Variants in CAMKMT observed in about 807,000 individuals in gnomAD.
CAMKMT encodes the protein calmodulin-lysine N-methyltransferase.
In CAMKMT, 53 loss-of-function variants were observed where a neutral mutation model predicts 48.0. That is an observed-to-expected ratio of 1.10 (90% CI 0.89 to 1.39). The LOEUF (loss-of-function observed/expected upper bound fraction) is 1.39, where lower values mean the gene tolerates loss of function less well. Among genes scored for constraint, CAMKMT ranks in the 40% most tolerant of loss-of-function variants. The probability of loss-of-function intolerance (pLI) is 0.00; values close to 1 mark genes in which losing one functional copy is unlikely to be tolerated. For synonymous variants in CAMKMT, 165 were observed against 152.3 expected (o/e 1.08, Z -0.61); for missense variants, 428 against 402.7 (o/e 1.06, Z -0.54).
intron 3 of CAMKMT, among the ~76,000 whole-genome samples, chr2:44,638,805 T>C (rs1236545166): frequency 6.6e-6 from 1 of 152,184 alleles, no homozygotes; most frequent in Non-Finnish European, 1.5e-5. Flanking sequence ...CCTCTGACAT[T>C]CCCTGACCTT....
chr2:44,542,629 T>C (rs1667194594), intron 3 of CAMKMT, among the ~76,000 whole-genome samples: 2 of 152,050 alleles, frequency 1.3e-5, no homozygotes, highest in Admixed American at 1.3e-4. Flanking sequence ...AGGCATTATA[T>C]AGAAAGATCT....
intron 3 of CAMKMT, among the ~76,000 whole-genome samples, chr2:44,489,322 T>C (rs950636500): frequency 2.7e-5 from 4 of 149,762 alleles, no homozygotes; most frequent in Middle Eastern, 3.5e-3. Flanking sequence ...CTTGGCTCAC[T>C]GCAATCTCTG....
Position 44,772,242 on chromosome 2 carries a change from A to C in CAMKMT, c.*129A>C. On this transcript the variant is annotated 3_prime_UTR_variant, in exon 11 of 11. Coordinates refer to ENST00000378494, the MANE Select transcript of CAMKMT (RefSeq NM_024766.5). Reference sequence around the variant, plus strand: ...GCAGCATTTCACGTGTGGGCTATGGACTCCACCTGTCCTCACCCACGTTAT... The same window carrying C: ...GCAGCATTTCACGTGTGGGCTATGGCCTCCACCTGTCCTCACCCACGTTAT... 1 of 691,988 alleles carries C rather than the reference A, an allele frequency of 1.4e-6. No individual in the cohort carries two copies. Among genetic ancestry groups the C allele is most frequent in the South Asian group, 1.8e-5 (1 of 54,486 alleles). The allele number at this position is 691,988 out of a possible 1,614,324, so 42.9% of individuals were successfully genotyped here. A position where few individuals can be genotyped will look rare whatever the true frequency, so the allele number is the denominator to read the frequency against.
intron 3 of CAMKMT, among the ~76,000 whole-genome samples, chr2:44,399,389 G>A (rs1378605256): frequency 1.3e-5 from 2 of 152,140 alleles, no homozygotes; most frequent in African/African-American, 2.4e-5. Context: ...GAAATGATAT[G>A]TGTGGGATGA....
chr2:44,410,739 T>C (rs528807236), intron 3 of CAMKMT, among the ~76,000 whole-genome samples: 8 of 152,180 alleles, frequency 5.3e-5, no homozygotes, highest in Admixed American at 1.3e-4. Flanking sequence ...AAGTGAAGGA[T>C]TGCTGAAGCA....
intron 3 of CAMKMT, among the ~76,000 whole-genome samples, chr2:44,411,730 T>A (rs1471698062): frequency 1.3e-5 from 2 of 148,720 alleles, no homozygotes; most frequent in Non-Finnish European, 2.9e-5. Context: ...CTCAAGTATT[T>A]TTGTAAAATT....
At chr2:44,419,528 G>C (rs78228884) in intron 3 of CAMKMT, among the ~76,000 whole-genome samples, 4,636 of 152,240 alleles carry the variant, frequency 0.03, 211 homozygotes, top group African/African-American at 0.1. Context: ...CAAGGAAATA[G>C]ATTCTCCTCT....
At chr2:44,366,113 C>A (rs1678562248) in intron 1 of CAMKMT, among the ~76,000 whole-genome samples, 1 of 152,222 alleles carries the variant, frequency 6.6e-6, no homozygotes, top group South Asian at 2.1e-4. Context: ...CTCAAACATT[C>A]AACTTGGCTT....
chr2:44,457,922 G>T (rs1399156924), intron 3 of CAMKMT, among the ~76,000 whole-genome samples: 1 of 151,928 alleles, frequency 6.6e-6, no homozygotes. Context: ...TGAACCCTCA[G>T]ATTCTCTTGG....
At chr2:44,463,015 T>A (rs1667927017) in intron 3 of CAMKMT, among the ~76,000 whole-genome samples, 1 of 152,246 alleles carries the variant, frequency 6.6e-6, no homozygotes, top group African/African-American at 2.4e-5. Flanking sequence ...ATTTACTTAT[T>A]TATTCAAAGC....
intron 3 of CAMKMT, among the ~76,000 whole-genome samples, chr2:44,406,800 T>C (rs1431186569): frequency 6.6e-6 from 1 of 152,184 alleles, no homozygotes; most frequent in Non-Finnish European, 1.5e-5. Context: ...GGTTTCTCCA[T>C]GTTGCCCAGC....
chr2:44,707,374 T>C, intron 5 of CAMKMT, 25 bp from the exon 6 acceptor site: 1 of 1,610,122 alleles, frequency 6.2e-7, no homozygotes, highest in Admixed American at 1.7e-5. Context: ...GCTCATTGTT[T>C]GCTGTGCTCC....
chr2:44,743,351 A>G (rs1435907341), intron 7 of CAMKMT, among the ~76,000 whole-genome samples: 19 of 152,200 alleles, frequency 1.2e-4, no homozygotes, highest in Admixed American at 1.2e-3. Flanking sequence ...CGGTAAAGAT[A>G]AGATATTTTT....
rs1176467214 is a variant in CAMKMT, at chr2:44,556,450, C to CTT, written c.377-147804_377-147803dup. On this transcript the variant is annotated intron_variant, in intron 3 of 10. Transcript: ENST00000378494. ...CACCGTGTCCAGCCAATTTTTCTTT[C>CTT]TTTTTTTTTTTTTTTTTTTTTTTTT... Among the ~76,000 whole-genome samples, 46 of 50,278 alleles carry CTT rather than the reference C, an allele frequency of 9.1e-4. 5 individuals carry two copies. Among genetic ancestry groups the CTT allele is most frequent in the East Asian group, 5.6e-3 (10 of 1,788 alleles). 33.0% of individuals were successfully genotyped at this position (50,278 alleles called of 152,430 possible).
intron 3 of CAMKMT, among the ~76,000 whole-genome samples, chr2:44,497,336 C>T (rs1669796615): frequency 1.3e-5 from 2 of 151,812 alleles, no homozygotes; most frequent in Non-Finnish European, 2.9e-5. Flanking sequence ...GAACATTGTT[C>T]TTTTACTAGC....
chr2:44,625,632 T>A (rs1281875765), intron 3 of CAMKMT, among the ~76,000 whole-genome samples: 7 of 152,198 alleles, frequency 4.6e-5, no homozygotes, highest in African/African-American at 1.2e-4. Flanking sequence ...TTTGGATATT[T>A]TAAAGCTTTA....
chr2:44,554,486 G>C (rs953166443), intron 3 of CAMKMT, among the ~76,000 whole-genome samples: 1 of 152,066 alleles, frequency 6.6e-6, no homozygotes, highest in African/African-American at 2.4e-5. Context: ...CTGTAATCCT[G>C]ACAGTTCAGG....
intron 3 of CAMKMT, among the ~76,000 whole-genome samples, chr2:44,458,219 G>A (rs1472884094): frequency 1.3e-5 from 2 of 151,756 alleles, no homozygotes; most frequent in Non-Finnish European, 2.9e-5. Flanking sequence ...GCTAATTTTT[G>A]TATTTTTAGT....
At chr2:44,636,810 G>A (rs1303224641) in intron 3 of CAMKMT, among the ~76,000 whole-genome samples, 3 of 152,088 alleles carry the variant, frequency 2.0e-5, no homozygotes, top group Non-Finnish European at 4.4e-5. Context: ...GAGACGGTTC[G>A]GTTTGTTTTT....
Sources: gnomAD v4.1 joint callset for allele counts (sites outside exome capture counted in the v4.1 genomes callset) on GRCh38, gnomAD v4.1.1 for gene constraint, MANE v1.5 for transcripts, NCBI Gene and HGNC (gene_info 2026-07-23, HGNC 2026-07-21) for gene names.